Variants in MYSM1 observed in about 807,000 individuals in gnomAD.
MYSM1 encodes the protein deubiquitinase MYSM1.
Under a neutral mutation model 116.0 loss-of-function variants are expected in MYSM1, and 51 were observed. The ratio of observed to expected loss-of-function variants is 0.44; its 90% CI spans 0.35 to 0.56. The LOEUF is 0.56. Ranked by LOEUF, MYSM1 falls within the 20% of genes least tolerant of loss-of-function variation. The pLI is 0.00. For missense variants in MYSM1, 900 were observed against 974.9 expected, an observed-to-expected ratio of 0.92 and a Z score of 1.02; for synonymous variants, 313 against 315.2, an observed-to-expected ratio of 0.99 and a Z score of 0.07.
At chr1:58,699,160 A>G (rs1645026289) in intron 1 of MYSM1, among the ~76,000 whole-genome samples, 1 of 152,188 alleles carries the variant, frequency 6.6e-6, no homozygotes, top group Admixed American at 6.5e-5. Context: ...TTGATTCAGA[A>G]AGCAAGGAGT....
intron 12 of MYSM1, among the ~76,000 whole-genome samples, chr1:58,670,965 G>A (rs1247937707): frequency 6.6e-6 from 1 of 152,162 alleles, no homozygotes; most frequent in Non-Finnish European, 1.5e-5. Context: ...ACTGGATGAG[G>A]AGTCCTAGCT....
chr1:58,664,294 GA>G (rs1328399228), intron 17 of MYSM1, among the ~76,000 whole-genome samples: 3 of 152,126 alleles, frequency 2.0e-5, no homozygotes, highest in African/African-American at 7.2e-5. Context: ...CTGAGCTAAA[GA>G]ATAATATGTA....
intron 8 of MYSM1, among the ~76,000 whole-genome samples, chr1:58,681,219 C>T (rs1193179184): frequency 6.6e-6 from 1 of 152,126 alleles, no homozygotes; most frequent in Non-Finnish European, 1.5e-5. Context: ...GGGGTTTGTT[C>T]CCTAAGCTTC....
chr1:58,685,092 C>G, intron 7 of MYSM1, 61 bp downstream of exon 7: 1 of 1,353,772 alleles, frequency 7.4e-7, no homozygotes, highest in South Asian at 1.4e-5. Context: ...TAAAGAAATA[C>G]TTCTGCTTAG....
At chr1:58,697,614 C>A (rs6656037) in intron 1 of MYSM1, among the ~76,000 whole-genome samples, 61,694 of 149,008 alleles carry the variant, frequency 0.41, 12,754 homozygotes, top group Middle Eastern at 0.58. Context: ...TTTGAGATGG[C>A]GTTTTGCTCT....
At chr1:58,690,609 C>G (rs918522202) in intron 3 of MYSM1, among the ~76,000 whole-genome samples, 192 bp from the exon 4 acceptor site, 2 of 152,096 alleles carry the variant, frequency 1.3e-5, no homozygotes, top group African/African-American at 4.8e-5. Flanking sequence ...TACATGTGGC[C>G]CAGGACGGCT....
Position 58,689,111 on chromosome 1 carries a change from T to G in MYSM1, c.326A>C (p.His109Pro), listed in dbSNP as rs953474203. Reference sequence around the variant, plus strand: ...GTAACTGGCTGGTTTTGTAGGAGAGTGTACCCTGAGGGGAAAAAAAGGAAT... The same window carrying G: ...GTAACTGGCTGGTTTTGTAGGAGAGGGTACCCTGAGGGGAAAAAAAGGAAT... ...SLQKTAKIMV[H>P]SPTKPASYSV... The change falls in exon 6 of 20, where the codon CAC becomes CCC. Residue 109 changes from histidine (H) to proline (P), a missense_variant. By Grantham distance (77) the His-to-Pro change is moderately conservative. Transcript: ENST00000472487. 6.2e-7 allele frequency: 1 copy of G among 1,601,160 alleles called. No individual in the cohort carries two copies.
intron 1 of MYSM1, among the ~76,000 whole-genome samples, chr1:58,695,611 T>C (rs1292517538): frequency 6.6e-6 from 1 of 150,772 alleles, no homozygotes; most frequent in Non-Finnish European, 1.5e-5. Flanking sequence ...CTTTTAGCTG[T>C]ATCTAAATTA....
rs1044229480 is a variant in MYSM1, at chr1:58,657,875, G to A, written c.*2122C>T. ...GGTTAAACATTGGCACACAGGGCAA[G>A]GAGACTCAGATTTGAGAGCAGAACT... On this transcript the variant is annotated 3_prime_UTR_variant, in exon 20 of 20. Transcript: ENST00000472487. 1.3e-5 allele frequency: 2 copies of A among 152,164 alleles called. No homozygotes were observed. The highest frequency in any genetic ancestry group is 2.9e-5 in the Non-Finnish European group (2 of 68,052). The allele number at this position is 152,164 out of a possible 1,614,324, so 9.4% of individuals were successfully genotyped here.
chr1:58,668,451 T>C lies in MYSM1; in HGVS notation c.1767+181A>G, dbSNP rs569902956. 55 of 1,341,710 alleles carry C rather than the reference T, an allele frequency of 4.1e-5. No individual in the cohort carries two copies. The African/African-American group carries it at 5.7e-4, about 14-fold the overall frequency. 83.1% of individuals were successfully genotyped at this position (1,341,710 alleles called of 1,614,324 possible). On this transcript the variant is annotated intron_variant, in intron 14 of 19. Coordinates refer to ENST00000472487, the MANE Select transcript of MYSM1 (RefSeq NM_001085487.3). ...TCACATTAATTTATTTTCTCTAAAA[T>C]ATGGAAACATGCAATTGTTTGGCTT...
In MYSM1 at chr1:58,660,026, C is replaced by T; in HGVS notation, c.2458G>A (p.Glu820Lys). The T allele has an allele frequency of 1.2e-6, 2 of 1,603,482 alleles. No homozygotes were observed. The highest frequency in any genetic ancestry group is 1.7e-6 in the Non-Finnish European group (2 of 1,174,644). ...KSNQENGVTE[E>K]NCTKELLM ...ATTAACAATTCCTTTGTACAGTTCTCTTCGGTTACTCCATTCTCTTGGTTG... is the reference window on the plus strand; with the variant it reads ...ATTAACAATTCCTTTGTACAGTTCTTTTCGGTTACTCCATTCTCTTGGTTG... The change falls in exon 20 of 20, where the codon GAG (glutamate) becomes AAG (lysine). Residue 820 changes from glutamate (E) to lysine (K), a missense_variant. Transcript: ENST00000472487.
chr1:58,660,785 TAAATA>T, intron 19 of MYSM1, among the ~76,000 whole-genome samples: 2 of 152,230 alleles, frequency 1.3e-5, no homozygotes, highest in Middle Eastern at 6.8e-3. Flanking sequence ...ATTAGAAAGT[TAAATA>T]AAATGACTAT....
chr1:58,688,921 GT>G, intron 6 of MYSM1, 116 bp downstream of exon 6: 3 of 852,690 alleles, frequency 3.5e-6, no homozygotes, highest in Non-Finnish European at 5.4e-6. Context: ...AACTAAAGGT[GT>G]TAAAACTGTA....
At chr1:58,685,657 T>C (rs1247868802) in intron 6 of MYSM1, among the ~76,000 whole-genome samples, 2 of 151,602 alleles carry the variant, frequency 1.3e-5, no homozygotes, top group Admixed American at 6.6e-5. Context: ...ATTTCAACAC[T>C]TTTTTTAACT....
At chr1:58,677,860 G>A (rs1025919527) in intron 8 of MYSM1, among the ~76,000 whole-genome samples, 3 of 152,046 alleles carry the variant, frequency 2.0e-5, no homozygotes, top group African/African-American at 7.2e-5. Flanking sequence ...AAGCAAGGGG[G>A]TCAGAGTAAA....
chr1:58,689,237 A>G (rs1404518549), intron 5 of MYSM1, 121 bp from the exon 6 acceptor site: 1 of 722,334 alleles, frequency 1.4e-6, no homozygotes, highest in African/African-American at 1.8e-5. Flanking sequence ...GGAATTAAAA[A>G]TAAACAAACA....
intron 17 of MYSM1, among the ~76,000 whole-genome samples, chr1:58,662,749 A>T (rs147260953): frequency 2.3e-4 from 35 of 152,156 alleles, no homozygotes; most frequent in Middle Eastern, 3.4e-3. Context: ...GCATTTTTTC[A>T]GGTGTTTGGA....
rs151189316 is a variant in MYSM1 at position 58,663,587 on chromosome 1, T to C, written c.2164+1912A>G. Among the ~76,000 whole-genome samples, 745 of 152,316 alleles carry C rather than the reference T, an allele frequency of 4.9e-3. 11 individuals are homozygous for C. Among genetic ancestry groups the C allele is most frequent in the African/African-American group, 0.017 (695 of 41,562 alleles). On this transcript the variant is annotated intron_variant, in intron 17 of 19. Transcript: ENST00000472487. ...CGCAGTGTTAAGCATGGACAAGTCA[T>C]TTACAAGACAGCTCTGTCCAATGGT... is the stretch of plus-strand genomic sequence containing the variant.
chr1:58,661,268 C>T (rs1208346079), intron 18 of MYSM1, 41 bp from the exon 19 acceptor site: 3 of 1,489,092 alleles, frequency 2.0e-6, no homozygotes, highest in Non-Finnish European at 2.8e-6. Flanking sequence ...GAAACGAATA[C>T]TATAAACTAA....
Sources: allele counts gnomAD v4.1 joint callset (sites outside exome capture counted in the v4.1 genomes callset), GRCh38; gene constraint gnomAD v4.1.1; transcripts MANE v1.5; gene names NCBI Gene and HGNC (gene_info 2026-07-23, HGNC 2026-07-21).